The following TMEM178A variants were observed in gnomAD, a reference collection of about 807,000 sequenced individuals.
TMEM178A encodes the protein transmembrane protein 178.
In TMEM178A, 12 loss-of-function variants were observed where a neutral mutation model predicts 29.1. The observed-to-expected ratio is 0.41, with a 90% confidence interval of 0.26 to 0.67. The LOEUF is 0.67. Among genes scored for constraint, TMEM178A ranks in the 30% least tolerant of loss-of-function variants. The pLI is 0.29. For missense variants in TMEM178A, 366 were observed against 419.1 expected, an observed-to-expected ratio of 0.87 and a Z score of 1.11; for synonymous variants, 210 against 187.2, an observed-to-expected ratio of 1.12 and a Z score of -0.99.
chr2:39,711,400 C>A (rs952331133), intron 3 of TMEM178A, among the ~76,000 whole-genome samples: 2 of 152,144 alleles, frequency 1.3e-5, no homozygotes, highest in South Asian at 4.2e-4. Flanking sequence ...TTTTTTAATT[C>A]ACCAGGAGTC....
chr2:39,675,533 C>T (rs375016595), intron 1 of TMEM178A, among the ~76,000 whole-genome samples: 6 of 152,016 alleles, frequency 3.9e-5, no homozygotes, highest in South Asian at 2.1e-4. Flanking sequence ...GATGATTCTG[C>T]GGTATTATTT....
At chr2:39,708,074 A>G (rs1672117590) in intron 3 of TMEM178A, among the ~76,000 whole-genome samples, 1 of 152,196 alleles carries the variant, frequency 6.6e-6, no homozygotes, top group Admixed American at 6.5e-5. Flanking sequence ...AGACATAAAC[A>G]ATGATTTGTG....
intron 3 of TMEM178A, among the ~76,000 whole-genome samples, chr2:39,708,347 C>T (rs1172787962): frequency 2.7e-5 from 4 of 145,816 alleles, no homozygotes; most frequent in Non-Finnish European, 6.0e-5. Context: ...TGGTGGAGAG[C>T]TTGGATTTGA....
chr2:39,689,359 A>C (rs1227317858), intron 1 of TMEM178A, among the ~76,000 whole-genome samples: 1 of 152,154 alleles, frequency 6.6e-6, no homozygotes, highest in African/African-American at 2.4e-5. Context: ...CCCATTTCAG[A>C]GATCTAGTTT....
At chr2:39,686,376 A>G (rs1671077081) in intron 1 of TMEM178A, among the ~76,000 whole-genome samples, 1 of 152,170 alleles carries the variant, frequency 6.6e-6, no homozygotes, top group Non-Finnish European at 1.5e-5. Flanking sequence ...ATGTTGCCAG[A>G]GAGTTTTTAA....
the TMEM178A span, among the ~76,000 whole-genome samples, chr2:39,734,702 T>C: frequency 2.0e-5 from 3 of 152,312 alleles, no homozygotes; most frequent in East Asian, 5.8e-4. Flanking sequence ...AATTAGAGTG[T>C]CTAGACTAGC....
chr2:39,706,958 T>G, intron 2 of TMEM178A, 91 bp from the exon 3 acceptor site: 3 of 1,462,538 alleles, frequency 2.1e-6, no homozygotes, highest in Non-Finnish European at 2.8e-6. Context: ...AACTTACTAA[T>G]TTTCACAATG....
intron 3 of TMEM178A, among the ~76,000 whole-genome samples, chr2:39,709,813 C>G (rs1672223568): frequency 6.6e-6 from 1 of 152,226 alleles, no homozygotes; most frequent in Non-Finnish European, 1.5e-5. Context: ...GGACAAAAGC[C>G]TCAGTAGGAG....
the TMEM178A span, among the ~76,000 whole-genome samples, chr2:39,731,955 G>A: frequency 6.6e-6 from 1 of 152,284 alleles, no homozygotes; most frequent in South Asian, 2.1e-4. Context: ...GGCCTCTTGA[G>A]ACCATTCCAA....
chr2:39,699,682 C>G (rs1158510347), intron 1 of TMEM178A, among the ~76,000 whole-genome samples: 1 of 152,104 alleles, frequency 6.6e-6, no homozygotes, highest in Non-Finnish European at 1.5e-5. Context: ...GTCCTCAACT[C>G]CTGGGTTCAA....
chr2:39,670,594 T>C, intron 1 of TMEM178A, among the ~76,000 whole-genome samples: 1 of 152,208 alleles, frequency 6.6e-6, no homozygotes, highest in African/African-American at 2.4e-5. Flanking sequence ...AGCTGTTCTC[T>C]CCCAAGTGCA....
the TMEM178A span, among the ~76,000 whole-genome samples, chr2:39,727,120 C>T: frequency 1.3e-5 from 2 of 152,156 alleles, no homozygotes; most frequent in Admixed American, 6.5e-5. Context: ...GGTTTCATCC[C>T]TCCATTTCCA....
At chr2:39,687,966 C>T (rs1345927956) in intron 1 of TMEM178A, among the ~76,000 whole-genome samples, 2 of 152,212 alleles carry the variant, frequency 1.3e-5, no homozygotes, top group Non-Finnish European at 2.9e-5. Context: ...TATTTAACTT[C>T]TCTCAGCCTC....
the TMEM178A span, among the ~76,000 whole-genome samples, chr2:39,725,827 G>A: frequency 6.6e-6 from 1 of 152,170 alleles, no homozygotes; most frequent in Admixed American, 6.5e-5. Context: ...TTAGGAGCAG[G>A]TCCACCGTGG....
the TMEM178A span, among the ~76,000 whole-genome samples, chr2:39,729,463 T>C: frequency 6.6e-6 from 1 of 152,302 alleles, no homozygotes; most frequent in Non-Finnish European, 1.5e-5. Context: ...GACTCAAACA[T>C]TGGAAAATAC....
downstream of TMEM178A, among the ~76,000 whole-genome samples, chr2:39,721,585 G>C (rs768110259): frequency 6.6e-6 from 1 of 152,120 alleles, no homozygotes; most frequent in Non-Finnish European, 1.5e-5. Flanking sequence ...GTGCAGGTGA[G>C]GTTGCCAAGG....
Position 39,698,857 on chromosome 2 carries a change from G to A in TMEM178A, c.401-5224G>A, listed in dbSNP as rs149487356. Among the ~76,000 whole-genome samples, 21 of 152,016 alleles carry A rather than the reference G, an allele frequency of 1.4e-4. No individual in the cohort carries two copies. In the East Asian group the frequency reaches 3.5e-3, roughly 25 times the overall value. ...CAATTTCTTTACTTGTTATAGATGC[G>A]TTCAGATTTTCTATTTTTTCTTGAG... On this transcript the variant is annotated intron_variant, in intron 1 of 3. Transcript: ENST00000281961.
At chr2:39,698,968 T>G (rs1453582260) in intron 1 of TMEM178A, among the ~76,000 whole-genome samples, 1 of 152,180 alleles carries the variant, frequency 6.6e-6, no homozygotes, top group South Asian at 2.1e-4. Flanking sequence ...CACTGTGTTC[T>G]CTTAAGCTTC....
chr2:39,677,269 T>A (rs896867000), intron 1 of TMEM178A, among the ~76,000 whole-genome samples: 7 of 152,132 alleles, frequency 4.6e-5, no homozygotes, highest in Admixed American at 1.3e-4. Flanking sequence ...ATTTATAGAA[T>A]CTGTTCAAGC....
Sources: gnomAD v4.1 joint callset for allele counts (sites outside exome capture counted in the v4.1 genomes callset) on GRCh38, gnomAD v4.1.1 for gene constraint, MANE v1.5 for transcripts, NCBI Gene and HGNC (gene_info 2026-07-23, HGNC 2026-07-21) for gene names.